FITM2: variants seen among roughly 807,000 people sequenced by gnomAD.
FITM2 encodes fat storage inducing transmembrane protein 2.
In FITM2, 16 loss-of-function variants were observed where a neutral mutation model predicts 23.3. That is an observed-to-expected ratio of 0.69 (90% CI 0.47 to 1.05). The LOEUF (loss-of-function observed/expected upper bound fraction) is 1.05, where lower values mean the gene tolerates loss of function less well. FITM2 is among the 50% of genes least tolerant of loss of function. The probability of loss-of-function intolerance (pLI) is 0.00; values close to 1 mark genes in which losing one functional copy is unlikely to be tolerated. For missense variants in FITM2, 273 were observed against 327.5 expected (o/e 0.83, Z 1.29); for synonymous variants, 132 against 142.0 (o/e 0.93, Z 0.50).
Position 44,303,864 on chromosome 20 carries a change from T to A in FITM2, c.*2761A>T, listed in dbSNP as rs1368054964. 1 of 151,976 alleles carries A rather than the reference T, an allele frequency of 6.6e-6. No homozygotes were observed. The highest frequency in any genetic ancestry group is 2.4e-5 in the African/African-American group (1 of 41,274). The allele number at this position is 151,976 out of a possible 1,614,324, so 9.4% of individuals were successfully genotyped here. A position where few individuals can be genotyped will look rare whatever the true frequency, so the allele number is the denominator to read the frequency against. ...GGCCCAACCTCAAGTGATCCTCCCATCTCAGCCTCCCAAAGTGCTAGGATT... is the reference window on the plus strand; with the variant it reads ...GGCCCAACCTCAAGTGATCCTCCCAACTCAGCCTCCCAAAGTGCTAGGATT... On this transcript the variant is annotated 3_prime_UTR_variant, in exon 2 of 2. Transcript: ENST00000396825.
Position 44,305,194 on chromosome 20 carries a change from A to G in FITM2, c.*1431T>C, listed in dbSNP as rs2062686279. The G allele has an allele frequency of 6.6e-6, 1 of 152,240 alleles. No individual in the cohort carries two copies. The highest frequency in any genetic ancestry group is 1.5e-5 in the Non-Finnish European group (1 of 68,044). The allele number at this position is 152,240 out of a possible 1,614,324, so 9.4% of individuals were successfully genotyped here. ...CAACCTACATGTGCCAGAGTGCAGC[A>G]CTGGCCTTGTGAGTTATTTTCAGGA... On this transcript the variant is annotated 3_prime_UTR_variant, in exon 2 of 2. Coordinates refer to ENST00000396825, the MANE Select transcript of FITM2 (RefSeq NM_001080472.4).
At position 44,306,460 on chromosome 20, in the gene FITM2, G is replaced by A; in HGVS notation, c.*165C>T. The A allele has an allele frequency of 3.4e-6, 3 of 869,616 alleles. No individual in the cohort carries two copies. Among genetic ancestry groups the A allele is most frequent in the Non-Finnish European group, 3.4e-6 (2 of 588,428 alleles). The allele number at this position is 869,616 out of a possible 1,614,324, so 53.9% of individuals were successfully genotyped here. On this transcript the variant is annotated 3_prime_UTR_variant, in exon 2 of 2. Transcript: ENST00000396825. ...AACACTGGTGATGTCGCCAAGAATA[G>A]TCTGAAGACTAAACTCACTCCCCAG...
In FITM2 at chr20:44,311,057, G is replaced by C; in HGVS notation, c.92C>G (p.Ser31Cys). 1 of 1,609,032 alleles carries C rather than the reference G, an allele frequency of 6.2e-7. No individual in the cohort carries two copies. Among genetic ancestry groups the C allele is most frequent in the Non-Finnish European group, 8.5e-7 (1 of 1,178,182 alleles). The stretch of plus-strand genomic sequence containing the variant: ...CTTGAGGAGGGAGCCCGCCAGCATG[G>C]AGGCCACCAGGGCCCAGGGCAGGTA... ...RRYLPWALVA[S>C]MLAGSLLKEL... Residue 31 changes from serine to cysteine, a missense_variant, in exon 1 of 2, where the codon TCC becomes TGC. Coordinates refer to ENST00000396825, the MANE Select transcript of FITM2 (RefSeq NM_001080472.4).
chr20:44,310,833 G>C, intron 1 of FITM2, 143 bp downstream of exon 1: 8 of 1,180,922 alleles, frequency 6.8e-6, no homozygotes, highest in Non-Finnish European at 9.4e-6. Context: ...GGCGTGACAC[G>C]CGTGCAGATG....
chr20:44,307,060 C>G lies in FITM2; in HGVS notation c.354G>C (p.Thr118=), dbSNP rs990943873. 2 of 1,614,154 alleles carry G rather than the reference C, an allele frequency of 1.2e-6. No individual in the cohort carries two copies. The highest frequency in any genetic ancestry group is 1.7e-6 in the Non-Finnish European group (2 of 1,180,038). Residue 118 remains threonine, a synonymous_variant, in exon 2 of 2, where the codon ACG becomes ACC. Coordinates refer to ENST00000396825, the MANE Select transcript of FITM2 (RefSeq NM_001080472.4). ...TSIFSNIEHY[T]GSCYQSPALE... ...GGGCTGGGGACTGGTAGCAGCTGCC[C>G]GTGTAGTGTTCGATGTTGGAGAAGA...
rs2062681962 is a variant in FITM2, at chr20:44,303,425, G to A, written c.*3200C>T. 6.6e-6 allele frequency: 1 copy of A among 152,214 alleles called. No individual in the cohort carries two copies. The highest frequency in any genetic ancestry group is 6.5e-5 in the Admixed American group (1 of 15,282). The allele number at this position is 152,214 out of a possible 1,614,324, so 9.4% of individuals were successfully genotyped here. On this transcript the variant is annotated 3_prime_UTR_variant, in exon 2 of 2. Transcript: ENST00000396825. ...AAGCATGCTCCCAAGGAAGAGGCAA[G>A]GGGGCTAAGCATGGACAAGTGGCGG...
rs1037721536 is a variant in FITM2, at chr20:44,303,869, G to A, written c.*2756C>T. ...AACCTCAAGTGATCCTCCCATCTCA[G>A]CCTCCCAAAGTGCTAGGATTACAGG... On this transcript the variant is annotated 3_prime_UTR_variant, in exon 2 of 2. Transcript: ENST00000396825. 1.5e-4 allele frequency: 23 copies of A among 150,142 alleles called. No individual in the cohort carries two copies. Among genetic ancestry groups the A allele is most frequent in the African/African-American group, 5.6e-4 (22 of 39,452 alleles). The allele number at this position is 150,142 out of a possible 1,614,324, so 9.3% of individuals were successfully genotyped here.
At chr20:44,307,751 TG>T (rs2062694663) in intron 1 of FITM2, among the ~76,000 whole-genome samples, 1 of 143,816 alleles carries the variant, frequency 7.0e-6, no homozygotes, top group Non-Finnish European at 1.5e-5. Flanking sequence ...ACCCCACCCC[TG>T]TGTAAGTACT....
At position 44,311,114 on chromosome 20, in the gene FITM2, C is replaced by T. The variant is rs1186411245; in HGVS notation, c.35G>A (p.Arg12Gln). ...EHLERCEWLL[R>Q]GTLVRAAVRR... Reference sequence around the variant, plus strand: ...CACGGCCGCCCGCACCAGCGTCCCCCGCAACAACCACTCGCAGCGCTCCAG... The same window carrying T: ...CACGGCCGCCCGCACCAGCGTCCCCTGCAACAACCACTCGCAGCGCTCCAG... The change falls in exon 1 of 2, where the codon CGG becomes CAG. Residue 12 changes from arginine to glutamine, a missense_variant. This residue lies in a region of FITM2 where 123 missense variants were observed against 117.9 expected (regional missense o/e 1.04). Coordinates refer to ENST00000396825, the MANE Select transcript of FITM2 (RefSeq NM_001080472.4). The T allele has an allele frequency of 1.2e-6, 2 of 1,612,852 alleles. No individual in the cohort carries two copies. The highest frequency in any genetic ancestry group is 1.7e-6 in the Non-Finnish European group (2 of 1,179,588).
Position 44,306,541 on chromosome 20 carries a change from A to G in FITM2, c.*84T>C. 1.3e-6 allele frequency: 2 copies of G among 1,536,002 alleles called. No homozygotes were observed. Among genetic ancestry groups the G allele is most frequent in the Non-Finnish European group, 1.7e-6 (2 of 1,144,266 alleles). ...TACACTTTCCCTCTGAAGTAGGATC[A>G]ATAATTTAGCCAAATAACTAAGCAA... On this transcript the variant is annotated 3_prime_UTR_variant, in exon 2 of 2. Transcript: ENST00000396825.
rs1327711266 is a variant in FITM2 at position 44,305,680 on chromosome 20, G to C, written c.*945C>G. The C allele has an allele frequency of 6.6e-6, 1 of 152,014 alleles. No individual in the cohort carries two copies. The highest frequency in any genetic ancestry group is 6.6e-5 in the Admixed American group (1 of 15,266). The allele number at this position is 152,014 out of a possible 1,614,324, so 9.4% of individuals were successfully genotyped here. The stretch of plus-strand genomic sequence containing the variant: ...TCTACTAAAAATACAAAATTAGCCT[G>C]GTGTGGTGACGCATGCCTGTAATCC... On this transcript the variant is annotated 3_prime_UTR_variant, in exon 2 of 2. Transcript: ENST00000396825.
chr20:44,308,534 TTTTTTA>T (rs2062696798), intron 1 of FITM2, among the ~76,000 whole-genome samples: 1 of 152,294 alleles, frequency 6.6e-6, no homozygotes, highest in Non-Finnish European at 1.5e-5. Context: ...TGGTTTTTTA[TTTTTTA>T]TTTTTATTTT....
In FITM2 at chr20:44,311,048, G is replaced by A. The variant is rs2062703712; in HGVS notation, c.101C>T (p.Ala34Val). The change falls in exon 1 of 2, where the codon GCG becomes GTG. Residue 34 changes from alanine to valine, a missense_variant. By Grantham distance (64) the Ala-to-Val change is moderately conservative. Coordinates refer to ENST00000396825, the MANE Select transcript of FITM2 (RefSeq NM_001080472.4). ...GGACAACTCCTTGAGGAGGGAGCCC[G>A]CCAGCATGGAGGCCACCAGGGCCCA... The part of the protein sequence containing the change: ...LPWALVASML[A>V]GSLLKELSPL... The A allele has an allele frequency of 1.2e-6, 2 of 1,602,990 alleles. No individual in the cohort carries two copies. Among genetic ancestry groups the A allele is most frequent in the African/African-American group, 1.3e-5 (1 of 74,488 alleles).
rs1332715319 is a variant in FITM2, at chr20:44,303,025, T to G, written c.*3600A>C. The G allele has an allele frequency of 1.3e-5, 2 of 152,134 alleles. No individual in the cohort carries two copies. 9.4% of individuals were successfully genotyped at this position (152,134 alleles called of 1,614,324 possible). A position where few individuals can be genotyped will look rare whatever the true frequency, so the allele number is the denominator to read the frequency against. On this transcript the variant is annotated 3_prime_UTR_variant, in exon 2 of 2. Transcript: ENST00000396825. ...AAAGGCAAAATAAGCATGGCAGTAT[T>G]CTATGATCACAGATGCCCCCAGAGC... is the stretch of plus-strand genomic sequence containing the variant.
intron 1 of FITM2, among the ~76,000 whole-genome samples, chr20:44,307,965 T>C (rs1199928786): frequency 1.5e-4 from 23 of 152,020 alleles, no homozygotes; most frequent in African/African-American, 5.3e-4. Flanking sequence ...CGGGCGCCTG[T>C]AGTCCCAACT....
chr20:44,306,547 T>G lies in FITM2; in HGVS notation c.*78A>C. On this transcript the variant is annotated 3_prime_UTR_variant, in exon 2 of 2. Transcript: ENST00000396825. ...TTCCCTCTGAAGTAGGATCAATAAT[T>G]TAGCCAAATAACTAAGCAAAATATA... The G allele has an allele frequency of 6.5e-7, 1 of 1,544,124 alleles. No individual in the cohort carries two copies. The highest frequency in any genetic ancestry group is 2.0e-5 in the Admixed American group (1 of 51,280).
intron 1 of FITM2, among the ~76,000 whole-genome samples, chr20:44,307,884 G>A (rs978173600): frequency 5.9e-5 from 9 of 152,054 alleles, no homozygotes; most frequent in Non-Finnish European, 1.2e-4. Flanking sequence ...TCAGGAGATC[G>A]AGACCATCCT....
rs1483017135 is a variant in FITM2 at position 44,303,928 on chromosome 20, C to G, written c.*2697G>C. The G allele has an allele frequency of 2.0e-5, 3 of 152,162 alleles. No homozygotes were observed. Among genetic ancestry groups the G allele is most frequent in the Non-Finnish European group, 4.4e-5 (3 of 68,104 alleles). 9.4% of individuals were successfully genotyped at this position (152,162 alleles called of 1,614,324 possible). On this transcript the variant is annotated 3_prime_UTR_variant, in exon 2 of 2. Coordinates refer to ENST00000396825, the MANE Select transcript of FITM2 (RefSeq NM_001080472.4). ...ACCATGCCTAGCCTAGGAGAGCTTT[C>G]AATCCCTTCAACAAGCCCCTGCCAT...
At chr20:44,309,208 C>G (rs2146091670) in intron 1 of FITM2, among the ~76,000 whole-genome samples, 1 of 151,630 alleles carries the variant, frequency 6.6e-6, no homozygotes, top group Non-Finnish European at 1.5e-5. Flanking sequence ...GAGACAAAGT[C>G]TCACTCTGCC....
Sources: allele counts gnomAD v4.1 joint callset (sites outside exome capture counted in the v4.1 genomes callset), GRCh38; gene constraint gnomAD v4.1.1; regional missense constraint gnomAD v4.1.1; transcripts MANE v1.5; gene names NCBI Gene and HGNC (gene_info 2026-07-23, HGNC 2026-07-21).